Variants in MBNL1 observed in about 807,000 individuals in gnomAD.
The protein encoded by MBNL1 is muscleblind like splicing regulator 1.
A neutral mutation model predicts 42.2 loss-of-function variants in MBNL1; 8 were observed. The observed-to-expected ratio is 0.19, with a 90% CI of 0.11 to 0.34. MBNL1 has a LOEUF of 0.34. Ranked by LOEUF, MBNL1 falls within the 10% of genes least tolerant of loss-of-function variation. The probability of loss-of-function intolerance (pLI) is 1.00; values close to 1 mark genes in which losing one functional copy is unlikely to be tolerated. For synonymous variants in MBNL1, 169 were observed against 173.9 expected (o/e 0.97, Z 0.22); for missense variants, 309 against 495.3 (o/e 0.62, Z 3.57).
chr3:152,457,963 C>CACATATATTATATCTACATAT, intron 8 of MBNL1: 1 of 583,636 alleles, frequency 1.7e-6, no homozygotes, highest in Middle Eastern at 4.6e-4. Context: ...TATATATACA[C>CACATATATTATATCTACATAT]ACATATATTA....
Position 152,419,845 on chromosome 3 carries a change from C to T in MBNL1, c.345+4734C>T, listed in dbSNP as rs375848707. ...CGGACCCCACCCCCATGGAGCCCAA[C>T]AAGCTAAGATCCTGCTGGCTTGAAA... On this transcript the variant is annotated intron_variant, in intron 3 of 9. Coordinates refer to ENST00000324210, the MANE Select transcript of MBNL1 (RefSeq NM_021038.5). Among the ~76,000 whole-genome samples the T allele has an allele frequency of 2.2e-4, 34 of 152,270 alleles. No homozygotes were observed. In the East Asian group the frequency reaches 5.0e-3, roughly 22 times the overall value.
chr3:152,305,673 A>AGTT (rs2062735366), intron 2 of MBNL1, among the ~76,000 whole-genome samples: 1 of 152,160 alleles, frequency 6.6e-6, no homozygotes, highest in East Asian at 1.9e-4. Context: ...ACTTAAGTAA[A>AGTT]AGCAACTGGA....
At chr3:152,309,533 G>A (rs1284477706) in intron 2 of MBNL1, among the ~76,000 whole-genome samples, 2 of 152,140 alleles carry the variant, frequency 1.3e-5, no homozygotes. Context: ...TTAAGTCCAG[G>A]CTGTTCTCAA....
chr3:152,461,810 T>G (rs1354488747), intron 9 of MBNL1, among the ~76,000 whole-genome samples: 1 of 152,200 alleles, frequency 6.6e-6, no homozygotes, highest in Non-Finnish European at 1.5e-5. Flanking sequence ...AATTCATGAG[T>G]AATAATTCTG....
intron 2 of MBNL1, among the ~76,000 whole-genome samples, chr3:152,316,580 C>G (rs747640316): frequency 1.3e-5 from 2 of 152,042 alleles, no homozygotes; most frequent in Non-Finnish European, 2.9e-5. Flanking sequence ...CCTTCATGCT[C>G]CATCACCTAG....
chr3:152,343,412 G>A (rs1468504344), intron 2 of MBNL1, among the ~76,000 whole-genome samples: 1 of 152,064 alleles, frequency 6.6e-6, no homozygotes, highest in African/African-American at 2.4e-5. Flanking sequence ...TCAAGTGTCT[G>A]GCCTGCCTTA....
intron 4 of MBNL1, among the ~76,000 whole-genome samples, chr3:152,435,798 T>G (rs2099071095): frequency 6.6e-6 from 1 of 152,200 alleles, no homozygotes; most frequent in African/African-American, 2.4e-5. Flanking sequence ...TTATTCTTTT[T>G]GTGGCAATTG....
chr3:152,463,041 T>G lies in MBNL1; in HGVS notation c.*675T>G, dbSNP rs1748272651. Reference sequence around the variant, plus strand: ...AGGATTCTCATGAAGTGCCATAGACTGTACATCAAATTAGAGTATTATTTC... The same window carrying G: ...AGGATTCTCATGAAGTGCCATAGACGGTACATCAAATTAGAGTATTATTTC... On this transcript the variant is annotated 3_prime_UTR_variant, in exon 10 of 10. Coordinates refer to ENST00000324210, the MANE Select transcript of MBNL1 (RefSeq NM_021038.5). 6.6e-6 allele frequency: 1 copy of G among 152,476 alleles called. No individual in the cohort carries two copies. Among genetic ancestry groups the G allele is most frequent in the Non-Finnish European group, 1.5e-5 (1 of 67,950 alleles). 9.4% of individuals were successfully genotyped at this position (152,476 alleles called of 1,614,324 possible). A position where few individuals can be genotyped will look rare whatever the true frequency, so the allele number is the denominator to read the frequency against.
chr3:152,463,405 T>C lies in MBNL1; in HGVS notation c.*1039T>C, dbSNP rs1371866421. 1 of 152,494 alleles carries C rather than the reference T, an allele frequency of 6.6e-6. No individual in the cohort carries two copies. The highest frequency in any genetic ancestry group is 2.4e-5 in the African/African-American group (1 of 41,442). The allele number at this position is 152,494 out of a possible 1,614,324, so 9.4% of individuals were successfully genotyped here. A position where few individuals can be genotyped will look rare whatever the true frequency, so the allele number is the denominator to read the frequency against. On this transcript the variant is annotated 3_prime_UTR_variant, in exon 10 of 10. Transcript: ENST00000324210. ...ATGAGGAAATTATTTTGCTTCTATTTATAGCCTCTGTCAAAAGTCAAAAGA... is the reference window on the plus strand; with the variant it reads ...ATGAGGAAATTATTTTGCTTCTATTCATAGCCTCTGTCAAAAGTCAAAAGA...
At chr3:152,390,570 TTTA>T (rs1327916285) in intron 2 of MBNL1, among the ~76,000 whole-genome samples, 5 of 151,750 alleles carry the variant, frequency 3.3e-5, no homozygotes, top group African/African-American at 4.9e-5. Context: ...AGCACAATCA[TTTA>T]TTATCATGTA....
intron 2 of MBNL1, chr3:152,300,846 A>C (rs1017545607): frequency 1.8e-6 from 1 of 571,310 alleles, no homozygotes; most frequent in Non-Finnish European, 2.2e-6. Flanking sequence ...GACATTTTAG[A>C]TTTTCTTTTT....
At chr3:152,425,440 C>G (rs958414384) in intron 3 of MBNL1, among the ~76,000 whole-genome samples, 4 of 151,914 alleles carry the variant, frequency 2.6e-5, no homozygotes, top group African/African-American at 7.3e-5. Context: ...AGCCCTGTCT[C>G]TACTAAAGAT....
intron 2 of MBNL1, among the ~76,000 whole-genome samples, chr3:152,392,777 C>T (rs962835859): frequency 2.6e-5 from 4 of 152,114 alleles, no homozygotes; most frequent in African/African-American, 4.8e-5. Context: ...AATACAAACA[C>T]GTTCTTCTGA....
Position 152,261,162 on chromosome 3 carries a change from A to G in MBNL1, n.333+16722A>G, listed in dbSNP as rs557516822. Among the ~76,000 whole-genome samples the G allele has an allele frequency of 2.0e-5, 3 of 152,264 alleles. No individual in the cohort carries two copies. The South Asian group carries it at 6.2e-4, about 32-fold the overall frequency. On this transcript the variant is annotated intron_variant and non_coding_transcript_variant, in intron 2 of 2. Transcript: ENST00000477171. Reference sequence around the variant, plus strand: ...CATCTAAGGGGCTTAAAAAAGATACAGACGCTTGGATGCCCCTCCCAGAAA... The same window carrying G: ...CATCTAAGGGGCTTAAAAAAGATACGGACGCTTGGATGCCCCTCCCAGAAA...
rs190557817 is a variant in MBNL1, at chr3:152,364,738, G to A, written c.175-50203G>A. 1.4e-4 allele frequency among the ~76,000 whole-genome samples: 22 copies of A among 152,158 alleles called. No individual in the cohort carries two copies. The East Asian group carries it at 4.1e-3, about 28-fold the overall frequency. On this transcript the variant is annotated intron_variant, in intron 2 of 9. Transcript: ENST00000324210. ...CTAGTAACATTAAGTTTTGACAAAAGCTTGTAACCTGAGGGGAAAAAAAAT... is the reference window on the plus strand; with the variant it reads ...CTAGTAACATTAAGTTTTGACAAAAACTTGTAACCTGAGGGGAAAAAAAAT...
At chr3:152,391,748 A>G (rs1014433076) in intron 2 of MBNL1, among the ~76,000 whole-genome samples, 3 of 152,230 alleles carry the variant, frequency 2.0e-5, no homozygotes, top group Admixed American at 1.3e-4. Context: ...TAGAATATAC[A>G]TGAGAGGTGA....
At chr3:152,459,665 C>T (rs1003022399) in intron 9 of MBNL1, among the ~76,000 whole-genome samples, 6 of 151,270 alleles carry the variant, frequency 4.0e-5, no homozygotes, top group Non-Finnish European at 5.9e-5. Flanking sequence ...TAGGGTCAGA[C>T]AGTAAGTATT....
At chr3:152,266,945 G>A (rs1425737818), upstream of MBNL1, 1 of 152,126 alleles carries the variant, frequency 6.6e-6, no homozygotes, top group Non-Finnish European at 1.5e-5. Context: ...TAGTTCATTA[G>A]TTTTGGCAGT....
chr3:152,389,719 G>A (rs928260206), intron 2 of MBNL1, among the ~76,000 whole-genome samples: 1 of 152,140 alleles, frequency 6.6e-6, no homozygotes, highest in African/African-American at 2.4e-5. Flanking sequence ...TTGCAGGACT[G>A]GAAGTTGTTC....
Sources: gnomAD v4.1 joint callset for allele counts (sites outside exome capture counted in the v4.1 genomes callset) on GRCh38, gnomAD v4.1.1 for gene constraint, MANE v1.5 for transcripts, NCBI Gene and HGNC (gene_info 2026-07-23, HGNC 2026-07-21) for gene names.